The following ANKS3 variants were observed in gnomAD, a reference collection of about 807,000 sequenced individuals.
The protein encoded by ANKS3 is ankyrin repeat and SAM domain-containing protein 3.
A neutral mutation model predicts 80.7 loss-of-function variants in ANKS3; 62 were observed. The observed-to-expected ratio is 0.77, with a 90% CI of 0.63 to 0.95. The LOEUF (loss-of-function observed/expected upper bound fraction) is 0.95, where lower values mean the gene tolerates loss of function less well. Ranked by LOEUF, ANKS3 falls within the 40% of genes least tolerant of loss-of-function variation. The pLI, the probability that ANKS3 is intolerant of heterozygous loss-of-function variation, is 0.00. For synonymous variants in ANKS3, 489 were observed against 355.3 expected (o/e 1.38, Z -4.23); for missense variants, 1,150 against 883.6 (o/e 1.30, Z -3.82).
intron 7 of ANKS3, among the ~76,000 whole-genome samples, chr16:4,707,446 T>C (rs1025774964): frequency 1.3e-5 from 2 of 152,100 alleles, no homozygotes; most frequent in Non-Finnish European, 2.9e-5. Context: ...CATGCCTGGC[T>C]AATTTGTGTA....
intron 6 of ANKS3, among the ~76,000 whole-genome samples, chr16:4,721,625 G>GATTT (rs55661418): frequency 0.35 from 51,192 of 144,954 alleles, 9,767 homozygotes; most frequent in South Asian, 0.43. Flanking sequence ...TTGATTTATT[G>GATTT]ATTTATTTAT....
At chr16:4,721,530 G>C (rs1300462944) in intron 6 of ANKS3, among the ~76,000 whole-genome samples, 1 of 151,348 alleles carries the variant, frequency 6.6e-6, no homozygotes, top group Non-Finnish European at 1.5e-5. Flanking sequence ...AGGATCACTT[G>C]AGACCAGGAG....
At chr16:4,702,651 C>T (rs955547480) in intron 8 of ANKS3, among the ~76,000 whole-genome samples, 6 of 152,114 alleles carry the variant, frequency 3.9e-5, no homozygotes, top group Non-Finnish European at 7.4e-5. Context: ...TAACCACAGG[C>T]GCTTAGCGGG....
At position 4,699,111 on chromosome 16, in the gene ANKS3, G is replaced by C. The variant is rs377633164; in HGVS notation, c.1350C>G (p.Asp450Glu). Reference sequence around the variant, plus strand: ...GGGTCAGAAAGATGCGGAGGTCCACGTCCTGCTCCTCAAACACCTGCAGGT... The same window carrying C: ...GGGTCAGAAAGATGCGGAGGTCCACCTCCTGCTCCTCAAACACCTGCAGGT... ...LKYLQVFEEQ[D>E]VDLRIFLTLT... Residue 450 changes from aspartate (D) to glutamate (E), a missense_variant, in exon 12 of 18, where the codon GAC (aspartate) becomes GAG (glutamate). Transcript: ENST00000304283. 40 of 1,614,018 alleles carry C rather than the reference G, an allele frequency of 2.5e-5. No individual in the cohort carries two copies. The Middle Eastern group carries it at 4.9e-4, about 20-fold the overall frequency.
rs1397560909 is a variant in ANKS3 at position 4,727,035 on chromosome 16, G to C, written c.313C>G (p.Pro105Ala). The change falls in exon 4 of 18, where the codon CCA (proline) becomes GCA (alanine). Residue 105 changes from proline (P) to alanine (A), a missense_variant. Coordinates refer to ENST00000304283, the MANE Select transcript of ANKS3 (RefSeq NM_133450.4). ...CCACAGCTGGAGGCCAGCATCAGTG[G>C]AGTCTGCCCTTCTGGGGTCGGCACA... is the stretch of plus-strand genomic sequence containing the variant. ...VNVPTPEGQT[P>A]LMLASSCGNE... 1.2e-6 allele frequency: 2 copies of C among 1,614,014 alleles called. No homozygotes were observed. Among genetic ancestry groups the C allele is most frequent in the African/African-American group, 1.3e-5 (1 of 74,928 alleles).
In ANKS3 at chr16:4,696,886, A is replaced by C; in HGVS notation, c.*22T>G. On this transcript the variant is annotated 3_prime_UTR_variant, in exon 18 of 18. Coordinates refer to ENST00000304283, the MANE Select transcript of ANKS3 (RefSeq NM_133450.4). ...CAGCTTCAGGGTGGACCAATCACCC[A>C]ACGTCAGATTCTGAAAGAAAAAGCC... is the stretch of plus-strand genomic sequence containing the variant. The C allele has an allele frequency of 2.4e-6, 2 of 825,708 alleles. No individual in the cohort carries two copies. Among genetic ancestry groups the C allele is most frequent in the Non-Finnish European group, 3.9e-6 (2 of 513,494 alleles). 51.1% of individuals were successfully genotyped at this position (825,708 alleles called of 1,614,324 possible). A position where few individuals can be genotyped will look rare whatever the true frequency, so the allele number is the denominator to read the frequency against.
rs1042190331 is a variant in ANKS3 at position 4,705,331 on chromosome 16, A to C, written c.710-78T>G. The C allele has an allele frequency of 4.6e-6, 7 of 1,527,596 alleles. No individual in the cohort carries two copies. In the African/African-American group the frequency reaches 6.9e-5, roughly 15 times the overall value. 94.6% of individuals were successfully genotyped at this position (1,527,596 alleles called of 1,614,324 possible). A position where few individuals can be genotyped will look rare whatever the true frequency, so the allele number is the denominator to read the frequency against. On this transcript the variant is annotated intron_variant, in intron 7 of 17. Transcript: ENST00000304283. Reference sequence around the variant, plus strand: ...CTAATCCTTACGGCAAACTGAAAGAAAGTGACTGTCGCCGGTTTTGTTAAA... The same window carrying C: ...CTAATCCTTACGGCAAACTGAAAGACAGTGACTGTCGCCGGTTTTGTTAAA...
chr16:4,706,891 G>C (rs2080223151), intron 7 of ANKS3, among the ~76,000 whole-genome samples: 1 of 152,208 alleles, frequency 6.6e-6, no homozygotes, highest in Non-Finnish European at 1.5e-5. Flanking sequence ...GCTCGCTCAG[G>C]TGCAAACTGA....
chr16:4,722,809 T>C (rs859296), intron 6 of ANKS3, among the ~76,000 whole-genome samples: 65,003 of 150,342 alleles, frequency 0.43, 16,798 homozygotes, highest in East Asian at 0.65. Context: ...TCCCAGCTAC[T>C]CGGGAGGCTG....
At chr16:4,710,147 G>C (rs2080407218) in intron 7 of ANKS3, among the ~76,000 whole-genome samples, 1 of 152,214 alleles carries the variant, frequency 6.6e-6, no homozygotes, top group South Asian at 2.1e-4. Flanking sequence ...TAGTGGGAGA[G>C]ATTGGTCAAT....
intron 3 of ANKS3, chr16:4,729,542 G>A (rs138348389): frequency 6.6e-6 from 1 of 152,074 alleles, no homozygotes; most frequent in Admixed American, 6.6e-5. Context: ...TATATTTTTA[G>A]TAGAGATGGG....
At position 4,727,148 on chromosome 16, in the gene ANKS3, C is replaced by T; in HGVS notation, c.200G>A (p.Gly67Asp). ...ATACATCAGCGGGGTCCAGCCACCACCATTCTTCTTATTCAAATCTAACTC... is the reference window on the plus strand; with the variant it reads ...ATACATCAGCGGGGTCCAGCCACCATCATTCTTCTTATTCAAATCTAACTC... ...RRELDLNKKN[G>D]GGWTPLMYAS... is the part of the protein sequence containing the mutation. The change falls in exon 4 of 18, where the codon GGT becomes GAT. Residue 67 changes from glycine (G) to aspartate (D), a missense_variant. Physicochemically the swap from Gly to Asp is moderately conservative, Grantham distance 94. Coordinates refer to ENST00000304283, the MANE Select transcript of ANKS3 (RefSeq NM_133450.4). 1 of 1,614,168 alleles carries T rather than the reference C, an allele frequency of 6.2e-7. No individual in the cohort carries two copies. Among genetic ancestry groups the T allele is most frequent in the Non-Finnish European group, 8.5e-7 (1 of 1,180,038 alleles).
At chr16:4,719,350 C>T (rs1459653328) in intron 6 of ANKS3, among the ~76,000 whole-genome samples, 5 of 152,140 alleles carry the variant, frequency 3.3e-5, no homozygotes, top group African/African-American at 1.2e-4. Context: ...AACAAACATA[C>T]AATCAAAAAT....
In ANKS3 at chr16:4,728,257, G is replaced by T. The variant is rs545787150; in HGVS notation, c.171-1080C>A. ...AGATGGGGTTTCACCGTGTTAGCCAGGATGGTCTCGATCTCCTGACCTCGT... is the reference window on the plus strand; with the variant it reads ...AGATGGGGTTTCACCGTGTTAGCCATGATGGTCTCGATCTCCTGACCTCGT... On this transcript the variant is annotated intron_variant, in intron 3 of 17. Coordinates refer to ENST00000304283, the MANE Select transcript of ANKS3 (RefSeq NM_133450.4). 2.1e-4 allele frequency among the ~76,000 whole-genome samples: 32 copies of T among 152,282 alleles called. No homozygotes were observed. The South Asian group carries it at 6.2e-3, about 30-fold the overall frequency.
rs750777966 is a variant in ANKS3, at chr16:4,726,666, T to G, written c.484A>C (p.Asn162His). 1.2e-6 allele frequency: 2 copies of G among 1,613,722 alleles called. No homozygotes were observed. The highest frequency in any genetic ancestry group is 2.2e-5 in the South Asian group (2 of 91,086). Residue 162 changes from asparagine to histidine, a missense_variant, in exon 5 of 18, where the codon AAC (asparagine) becomes CAC (histidine). By Grantham distance (68) the Asn-to-His change is moderately conservative (BLOSUM62 1). Transcript: ENST00000304283. ...TAAAGATGTGGCAATCACCTCACGT[T>G]GGCATTGGCTCCACTGTCCAAGAGG... ...RFLLDSGANA[N>H]VREPICGFTP... is the part of the protein sequence containing the mutation.
intron 11 of ANKS3, chr16:4,700,601 C>T (rs2079845109): frequency 5.4e-6 from 2 of 373,534 alleles, no homozygotes; most frequent in Non-Finnish European, 1.0e-5. Flanking sequence ...ATGGTGGCAG[C>T]TGTAACCATC....
chr16:4,698,231 G>A, intron 14 of ANKS3, 169 bp from the exon 15 acceptor site: 1 of 1,113,926 alleles, frequency 9.0e-7, no homozygotes, highest in South Asian at 1.6e-5. Context: ...AGGGCGACCG[G>A]TGCAGATTCC....
At position 4,731,501 on chromosome 16, in the gene ANKS3, G is replaced by A. The variant is rs1427034143; in HGVS notation, c.-3+11C>T. 12 of 370,218 alleles carry A rather than the reference G, an allele frequency of 3.2e-5. No individual in the cohort carries two copies. The highest frequency in any genetic ancestry group is 8.8e-5 in the African/African-American group (4 of 45,348). The allele number at this position is 370,218 out of a possible 1,614,324, so 22.9% of individuals were successfully genotyped here. A position where few individuals can be genotyped will look rare whatever the true frequency, so the allele number is the denominator to read the frequency against. On this transcript the variant is annotated intron_variant, in intron 2 of 17. Coordinates refer to ENST00000304283, the MANE Select transcript of ANKS3 (RefSeq NM_133450.4). ...TCACCATGTTGGCCAGGCTGGTCTC[G>A]AACTCCTCACCTCAGGTGATCCGCC... is the stretch of plus-strand genomic sequence containing the variant.
At chr16:4,697,484 A>G (rs2079630591) in intron 15 of ANKS3, 68 bp from the exon 16 acceptor site, 19 of 1,317,864 alleles carry the variant, frequency 1.4e-5, no homozygotes, top group Non-Finnish European at 1.9e-5. Flanking sequence ...CTTTATTCTG[A>G]GCCCATGCAA....
Sources: gnomAD v4.1 joint callset for allele counts (sites outside exome capture counted in the v4.1 genomes callset) on GRCh38, gnomAD v4.1.1 for gene constraint, MANE v1.5 for transcripts, NCBI Gene and HGNC (gene_info 2026-07-23, HGNC 2026-07-21) for gene names.